Variants in SLC2A9 observed in about 807,000 individuals in gnomAD.
The protein encoded by SLC2A9 is solute carrier family 2, facilitated glucose transporter member 9.
A neutral mutation model predicts 50.6 loss-of-function variants in SLC2A9; 39 were observed. The ratio of observed to expected loss-of-function variants is 0.77; its 90% confidence interval spans 0.60 to 1.01. The LOEUF (loss-of-function observed/expected upper bound fraction) is 1.01, where lower values mean the gene tolerates loss of function less well. Ranked by LOEUF, SLC2A9 falls within the 50% of genes least tolerant of loss-of-function variation. SLC2A9 has a pLI of 0.00. For synonymous variants in SLC2A9, 324 were observed against 276.9 expected (o/e 1.17, Z -1.69); for missense variants, 686 against 677.6 (o/e 1.01, Z -0.14).
At chr4:9,941,587 G>A (rs1447976389) in intron 6 of SLC2A9, among the ~76,000 whole-genome samples, 5 of 152,192 alleles carry the variant, frequency 3.3e-5, no homozygotes, top group Admixed American at 3.3e-4. Flanking sequence ...ATTTCAGATG[G>A]CTTCATCTCT....
At chr4:9,945,801 G>C (rs551722500) in intron 5 of SLC2A9, among the ~76,000 whole-genome samples, 3 of 152,312 alleles carry the variant, frequency 2.0e-5, no homozygotes, top group Non-Finnish European at 4.4e-5. Flanking sequence ...TTTTACATTA[G>C]ATGGGCATGG....
intron 3 of SLC2A9, among the ~76,000 whole-genome samples, chr4:9,809,982 TG>T (rs1231715527): frequency 6.6e-6 from 1 of 152,164 alleles, no homozygotes; most frequent in Non-Finnish European, 1.5e-5. Flanking sequence ...AGTAACATTT[TG>T]ATGCTATTCT....
At chr4:9,851,868 T>C (rs1729984013) in intron 10 of SLC2A9, among the ~76,000 whole-genome samples, 1 of 151,328 alleles carries the variant, frequency 6.6e-6, no homozygotes, top group Admixed American at 6.6e-5. Context: ...TCAACAAAAA[T>C]AAAGAAAAAA....
intron 5 of SLC2A9, among the ~76,000 whole-genome samples, chr4:9,969,556 C>T (rs1042354496): frequency 4.6e-5 from 7 of 152,108 alleles, no homozygotes; most frequent in Non-Finnish European, 8.8e-5. Flanking sequence ...TGTTAGCATG[C>T]CTCTTGTATT....
chr4:9,777,874 G>T (rs547915699), downstream of SLC2A9, among the ~76,000 whole-genome samples: 1 of 152,294 alleles, frequency 6.6e-6, no homozygotes, highest in East Asian at 1.9e-4. Context: ...TCTTTCTGGA[G>T]AACTGATTGA....
At chr4:9,979,831 C>T (rs1755405161) in intron 5 of SLC2A9, among the ~76,000 whole-genome samples, 1 of 152,148 alleles carries the variant, frequency 6.6e-6, no homozygotes, top group Admixed American at 6.5e-5. Flanking sequence ...TCCTCAGCCC[C>T]ACAGCCATCT....
At chr4:9,975,479 T>C (rs1754636020) in intron 5 of SLC2A9, among the ~76,000 whole-genome samples, 1 of 152,046 alleles carries the variant, frequency 6.6e-6, no homozygotes, top group Non-Finnish European at 1.5e-5. Context: ...GACATACAAG[T>C]GGCCAACAAA....
intron 10 of SLC2A9, among the ~76,000 whole-genome samples, chr4:9,858,181 T>A (rs1731027431): frequency 6.6e-6 from 1 of 151,960 alleles, no homozygotes; most frequent in Non-Finnish European, 1.5e-5. Context: ...AAGCACTGAG[T>A]AGAAAGAGGG....
chr4:9,890,814 G>A (rs538650619), intron 8 of SLC2A9, 103 bp from the exon 9 acceptor site: 14 of 1,035,744 alleles, frequency 1.4e-5, no homozygotes, highest in South Asian at 9.5e-5. Context: ...ATTAAAAACC[G>A]GCTTTGACCC....
chr4:9,872,597 G>T (rs947669001), intron 10 of SLC2A9, among the ~76,000 whole-genome samples: 3 of 152,174 alleles, frequency 2.0e-5, no homozygotes, highest in Non-Finnish European at 2.9e-5. Flanking sequence ...GAATAAAATG[G>T]ATTTGGAAAG....
intron 3 of SLC2A9, among the ~76,000 whole-genome samples, chr4:9,814,914 C>A (rs1229295767): frequency 6.6e-6 from 1 of 151,454 alleles, no homozygotes; most frequent in African/African-American, 2.4e-5. Flanking sequence ...TGTCAAAGTG[C>A]CACGGTGAAA....
chr4:9,827,518 C>A (rs1264899142), intron 11 of SLC2A9, among the ~76,000 whole-genome samples: 2 of 152,212 alleles, frequency 1.3e-5, no homozygotes, highest in African/African-American at 4.8e-5. Flanking sequence ...CAATTCCATT[C>A]TATTCTTTGA....
chr4:9,872,558 C>A (rs914683302), intron 10 of SLC2A9, among the ~76,000 whole-genome samples: 2 of 152,186 alleles, frequency 1.3e-5, no homozygotes, highest in Admixed American at 1.3e-4. Context: ...TATCCAAATC[C>A]TATTTCCTGT....
At chr4:9,902,538 G>A (rs751962401) in intron 8 of SLC2A9, among the ~76,000 whole-genome samples, 8 of 152,198 alleles carry the variant, frequency 5.3e-5, no homozygotes, top group African/African-American at 1.9e-4. Context: ...CAATAGAAAC[G>A]TGTTGTCTCA....
At chr4:9,889,597 CCCA>C (rs982353750) in intron 9 of SLC2A9, among the ~76,000 whole-genome samples, 5 of 152,190 alleles carry the variant, frequency 3.3e-5, no homozygotes, top group Non-Finnish European at 1.5e-5. Context: ...GCTTGCCAGC[CCCA>C]CCTCTTCAAA....
chr4:9,794,747 G>A (rs1321696210), downstream of SLC2A9, among the ~76,000 whole-genome samples: 1 of 152,158 alleles, frequency 6.6e-6, no homozygotes, highest in Admixed American at 6.5e-5. Flanking sequence ...TTCTCATCAT[G>A]GTCTCTGCTT....
chr4:10,010,109 A>C (rs1268024007), intron 2 of SLC2A9, among the ~76,000 whole-genome samples: 2 of 152,222 alleles, frequency 1.3e-5, no homozygotes, highest in Non-Finnish European at 2.9e-5. Context: ...AAGTGACATC[A>C]GCCCTACCTC....
intron 2 of SLC2A9, among the ~76,000 whole-genome samples, chr4:10,017,133 G>A (rs1035088271): frequency 2.0e-5 from 3 of 152,186 alleles, no homozygotes; most frequent in Non-Finnish European, 4.4e-5. Flanking sequence ...CTGATCCCCA[G>A]AGTTGGATAC....
chr4:9,982,099 C>T (rs1201553047), intron 4 of SLC2A9, among the ~76,000 whole-genome samples: 1 of 152,176 alleles, frequency 6.6e-6, no homozygotes, highest in Non-Finnish European at 1.5e-5. Context: ...CAGCTGGTCT[C>T]GAACTCCCGA....
Sources: allele counts gnomAD v4.1 joint callset (sites outside exome capture counted in the v4.1 genomes callset), GRCh38; gene constraint gnomAD v4.1.1; transcripts MANE v1.5; gene names NCBI Gene and HGNC (gene_info 2026-07-23, HGNC 2026-07-21).